The following RIMS2 variants were observed in gnomAD, a reference collection of about 807,000 sequenced individuals.
RIMS2 encodes the protein regulating synaptic membrane exocytosis protein 2.
RIMS2 carries 59 observed loss-of-function variants against 174.4 expected under a neutral mutation model. That is an observed-to-expected ratio of 0.34 (90% CI 0.27 to 0.42). The LOEUF is 0.42. Among genes scored for constraint, RIMS2 ranks in the 10% least tolerant of loss-of-function variants. The pLI is 1.00. For synonymous variants in RIMS2, 606 were observed against 572.5 expected (o/e 1.06, Z -0.84); for missense variants, 1,620 against 1,666.3 (o/e 0.97, Z 0.48).
At chr8:104,103,358 C>T (rs778301561) in intron 19 of RIMS2, among the ~76,000 whole-genome samples, 12 of 152,198 alleles carry the variant, frequency 7.9e-5, no homozygotes, top group South Asian at 6.2e-4. Flanking sequence ...GAATCATATA[C>T]TTTAAAAGGG....
chr8:103,720,710 C>T (rs1197118749), intron 2 of RIMS2, among the ~76,000 whole-genome samples: 3 of 152,040 alleles, frequency 2.0e-5, no homozygotes, highest in Admixed American at 2.0e-4. Flanking sequence ...GTATTTTGGA[C>T]TGTATTATTT....
At chr8:104,049,652 GT>G (rs2096753070) in intron 19 of RIMS2, among the ~76,000 whole-genome samples, 1 of 152,098 alleles carries the variant, frequency 6.6e-6, no homozygotes, top group Non-Finnish European at 1.5e-5. Flanking sequence ...TAATTTGTGT[GT>G]ATGTGTGCAT....
At chr8:104,036,823 G>A (rs2096528331) in intron 19 of RIMS2, among the ~76,000 whole-genome samples, 1 of 152,038 alleles carries the variant, frequency 6.6e-6, no homozygotes, top group South Asian at 2.1e-4. Flanking sequence ...CTTGCAGTGA[G>A]CCAAGATCGT....
At chr8:103,508,896 C>T (rs910915215) in intron 1 of RIMS2, among the ~76,000 whole-genome samples, 3 of 151,988 alleles carry the variant, frequency 2.0e-5, no homozygotes, top group Non-Finnish European at 4.4e-5. Flanking sequence ...GTCAGGTAAA[C>T]TCTTATGATG....
Position 103,812,331 on chromosome 8 carries a change from GTT to G in RIMS2, c.698+45816_698+45817del, listed in dbSNP as rs71575985. ...GGTCAAATTATTACCTTATTACCTT[GTT>G]TTTTTTTTTTTTTTTTTTTTTGTTG... On this transcript the variant is annotated intron_variant, in intron 3 of 23. Transcript: ENST00000504942. Among the ~76,000 whole-genome samples, 16 of 111,640 alleles carry G rather than the reference GTT, an allele frequency of 1.4e-4. No individual in the cohort carries two copies. The East Asian group carries it at 2.6e-3, about 18-fold the overall frequency. The allele number at this position is 111,640 out of a possible 152,430, so 73.2% of individuals were successfully genotyped here. A position where few individuals can be genotyped will look rare whatever the true frequency, so the allele number is the denominator to read the frequency against.
chr8:103,997,541 A>C (rs971873314), intron 17 of RIMS2, among the ~76,000 whole-genome samples: 2 of 151,808 alleles, frequency 1.3e-5, no homozygotes, highest in African/African-American at 4.8e-5. Context: ...GTAAAAGATC[A>C]GTGTGCTGCT....
chr8:103,815,922 C>T (rs1173933008), intron 3 of RIMS2, among the ~76,000 whole-genome samples: 1 of 151,994 alleles, frequency 6.6e-6, no homozygotes, highest in Admixed American at 6.6e-5. Flanking sequence ...TTGGTAAAAC[C>T]ATAGCTCAGA....
chr8:103,713,154 G>A (rs1337003060), intron 2 of RIMS2, among the ~76,000 whole-genome samples: 3 of 152,124 alleles, frequency 2.0e-5, no homozygotes, highest in African/African-American at 7.2e-5. Flanking sequence ...GAGTAGCTGG[G>A]ATTACAGGCA....
At chr8:104,071,906 A>G (rs1482223838) in intron 19 of RIMS2, among the ~76,000 whole-genome samples, 1 of 152,242 alleles carries the variant, frequency 6.6e-6, no homozygotes, top group African/African-American at 2.4e-5. Context: ...CTTCAAGAAA[A>G]TGGAGACATT....
At chr8:103,819,181 G>A in intron 3 of RIMS2, 2 of 1,113,314 alleles carry the variant, frequency 1.8e-6, no homozygotes, top group African/African-American at 3.3e-5. Context: ...AATAGGCTTA[G>A]AGAAATATGA....
chr8:104,147,114 A>G (rs1377136782), intron 19 of RIMS2, among the ~76,000 whole-genome samples: 2 of 152,160 alleles, frequency 1.3e-5, no homozygotes, highest in East Asian at 1.9e-4. Flanking sequence ...TTTTCTTTTT[A>G]CTTTCTATCA....
chr8:104,070,879 C>A (rs2097184249), intron 19 of RIMS2, among the ~76,000 whole-genome samples: 1 of 152,028 alleles, frequency 6.6e-6, no homozygotes, highest in African/African-American at 2.4e-5. Flanking sequence ...AATGTATAGT[C>A]TAAGATCCTA....
chr8:103,920,952 T>G, intron 9 of RIMS2: 1 of 300,716 alleles, frequency 3.3e-6, no homozygotes, highest in Non-Finnish European at 6.5e-6. Flanking sequence ...TGAGCCGAGA[T>G]CACGCCACCG....
chr8:104,000,618 T>A (rs1170632097), intron 17 of RIMS2, among the ~76,000 whole-genome samples: 1 of 151,872 alleles, frequency 6.6e-6, no homozygotes, highest in Non-Finnish European at 1.5e-5. Context: ...ATGTTTAGAT[T>A]TTTAGGAACC....
At chr8:104,091,980 A>G (rs773688337) in intron 19 of RIMS2, among the ~76,000 whole-genome samples, 4 of 151,780 alleles carry the variant, frequency 2.6e-5, no homozygotes, top group Admixed American at 6.6e-5. Flanking sequence ...GTGGACTAAG[A>G]AAGGCCAATT....
chr8:104,062,417 T>TA lies in RIMS2; in HGVS notation c.3334+47809dup, dbSNP rs2097017534. ...GCAAAACTCCATCTCAAAAAAATTT[T>TA]AAAAAAATTCATTAAAATTAAGTAC... On this transcript the variant is annotated intron_variant, in intron 19 of 23. Transcript: ENST00000504942. 3.9e-5 allele frequency among the ~76,000 whole-genome samples: 6 copies of TA among 151,998 alleles called. No individual in the cohort carries two copies. The South Asian group carries it at 1.2e-3, about 32-fold the overall frequency.
intron 19 of RIMS2, among the ~76,000 whole-genome samples, chr8:104,105,162 C>G (rs538867899): frequency 6.6e-6 from 1 of 152,052 alleles, no homozygotes; most frequent in African/African-American, 2.4e-5. Context: ...GAAGGAGTGA[C>G]CATTAGATAC....
intron 1 of RIMS2, among the ~76,000 whole-genome samples, chr8:103,614,019 C>T (rs1004075675): frequency 2.6e-5 from 4 of 152,222 alleles, no homozygotes; most frequent in Non-Finnish European, 4.4e-5. Context: ...ATGGTGCAAG[C>T]ACTACTTTAA....
rs554320756 is a variant in RIMS2, at chr8:104,184,887, C to G, written c.3335-60029C>G. On this transcript the variant is annotated intron_variant, in intron 19 of 23. Transcript: ENST00000504942. Reference sequence around the variant, plus strand: ...TTTTAATACGTATGTACATATGTATCATGATAAGAAATTAGATTCTAGCAA... The same window carrying G: ...TTTTAATACGTATGTACATATGTATGATGATAAGAAATTAGATTCTAGCAA... Among the ~76,000 whole-genome samples, 26 of 150,674 alleles carry G rather than the reference C, an allele frequency of 1.7e-4. 1 individual carries two copies. The South Asian group carries it at 5.4e-3, about 31-fold the overall frequency.
Sources: allele counts gnomAD v4.1 joint callset (sites outside exome capture counted in the v4.1 genomes callset), GRCh38; gene constraint gnomAD v4.1.1; transcripts MANE v1.5; gene names NCBI Gene and HGNC (gene_info 2026-07-23, HGNC 2026-07-21).